The following LRBA variants were observed in gnomAD, a reference collection of about 807,000 sequenced individuals.
The protein encoded by LRBA is LPS responsive beige-like anchor protein, also known as lipopolysaccharide-responsive and beige-like anchor protein.
A neutral mutation model predicts 330.0 loss-of-function variants in LRBA; 176 were observed. The observed-to-expected ratio is 0.53, with a 90% CI of 0.47 to 0.60. The LOEUF (loss-of-function observed/expected upper bound fraction) is 0.60. LRBA is among the 20% of genes least tolerant of loss of function. The pLI is 0.00. For synonymous variants in LRBA, 1,230 were observed against 1,193.0 expected, an observed-to-expected ratio of 1.03 and a Z score of -0.64; for missense variants, 3,259 against 3,444.8, an observed-to-expected ratio of 0.95 and a Z score of 1.35.
chr4:150,731,295 A>G (rs1306308203), intron 36 of LRBA, among the ~76,000 whole-genome samples: 2 of 152,198 alleles, frequency 1.3e-5, no homozygotes, highest in Non-Finnish European at 2.9e-5. Context: ...CTAGGTATAT[A>G]TCCAAAAGAA....
At chr4:150,832,022 C>A in intron 28 of LRBA, 46 bp from the exon 29 acceptor site, 1 of 1,197,970 alleles carries the variant, frequency 8.3e-7, no homozygotes, top group Admixed American at 2.7e-5. Context: ...CATAAAATAA[C>A]ATCATTATAT....
intron 36 of LRBA, among the ~76,000 whole-genome samples, chr4:150,694,114 T>C (rs1223620336): frequency 6.6e-6 from 1 of 152,116 alleles, no homozygotes; most frequent in Non-Finnish European, 1.5e-5. Context: ...CCTCCCTGTT[T>C]GGTCAGCTGC....
At chr4:150,284,537 G>C (rs1747916840) in intron 54 of LRBA, among the ~76,000 whole-genome samples, 1 of 151,886 alleles carries the variant, frequency 6.6e-6, no homozygotes, top group African/African-American at 2.4e-5. Context: ...TTAATGTTTT[G>C]ACAAAATTAT....
intron 37 of LRBA, among the ~76,000 whole-genome samples, chr4:150,639,765 A>ATGTGTG (rs1393495014): frequency 1.9e-4 from 1 of 5,364 alleles, no homozygotes; most frequent in Non-Finnish European, 5.8e-4. Context: ...ATATATATAT[A>ATGTGTG]TATATATATA....
intron 2 of LRBA, among the ~76,000 whole-genome samples, chr4:150,981,751 G>C (rs1740863292): frequency 6.6e-6 from 1 of 152,052 alleles, no homozygotes; most frequent in African/African-American, 2.4e-5. Flanking sequence ...ACGAGGTCAG[G>C]AGATCAAGAC....
intron 42 of LRBA, among the ~76,000 whole-genome samples, chr4:150,474,935 T>A (rs557873850): frequency 6.6e-6 from 1 of 152,190 alleles, no homozygotes; most frequent in South Asian, 2.1e-4. Context: ...TTTTGGTAGA[T>A]GATTTTTGTC....
intron 37 of LRBA, among the ~76,000 whole-genome samples, chr4:150,657,340 T>A (rs1466213043): frequency 6.6e-6 from 1 of 152,102 alleles, no homozygotes; most frequent in African/African-American, 2.4e-5. Flanking sequence ...ACAAAAGATG[T>A]TTTTAGTAAT....
chr4:150,391,988 A>G (rs1036814939), intron 47 of LRBA, among the ~76,000 whole-genome samples: 1 of 151,716 alleles, frequency 6.6e-6, no homozygotes, highest in Non-Finnish European at 1.5e-5. Flanking sequence ...AAAAAAAAAA[A>G]AAAAAAAAAA....
At chr4:151,008,969 CAAAAAAA>C (rs1216990774) in intron 2 of LRBA, among the ~76,000 whole-genome samples, 1 of 1,884 alleles carries the variant, frequency 5.3e-4, no homozygotes, top group African/African-American at 6.8e-4. Context: ...GACTCCATCT[CAAAAAAA>C]AAAAAAAAAA....
At chr4:150,924,248 A>C (rs1733630216) in intron 4 of LRBA, among the ~76,000 whole-genome samples, 1 of 152,194 alleles carries the variant, frequency 6.6e-6, no homozygotes, top group Non-Finnish European at 1.5e-5. Context: ...ACAGTGGTTC[A>C]CATCTGTAAT....
intron 40 of LRBA, among the ~76,000 whole-genome samples, chr4:150,545,061 T>C (rs951186667): frequency 6.6e-6 from 1 of 152,124 alleles, no homozygotes; most frequent in Non-Finnish European, 1.5e-5. Flanking sequence ...AAATAGAAAA[T>C]ATTAATGCTT....
At chr4:150,876,915 C>A (rs193167793) in intron 17 of LRBA, among the ~76,000 whole-genome samples, 1 of 152,140 alleles carries the variant, frequency 6.6e-6, no homozygotes, top group Non-Finnish European at 1.5e-5. Flanking sequence ...CACAGAATGG[C>A]ATATTGGATA....
chr4:150,811,656 C>A (rs190107355), intron 31 of LRBA, among the ~76,000 whole-genome samples: 1 of 152,174 alleles, frequency 6.6e-6, no homozygotes, highest in Admixed American at 6.5e-5. Flanking sequence ...GCATGTACCA[C>A]CACGTTCAGC....
intron 14 of LRBA, among the ~76,000 whole-genome samples, chr4:150,898,581 CTT>C (rs1210807882): frequency 3.3e-5 from 5 of 151,924 alleles, no homozygotes; most frequent in African/African-American, 4.8e-5. Context: ...ACCACCATGA[CTT>C]TGAACAGATC....
chr4:150,516,460 G>A (rs1368087126), intron 40 of LRBA, among the ~76,000 whole-genome samples: 1 of 151,500 alleles, frequency 6.6e-6, no homozygotes, highest in Non-Finnish European at 1.5e-5. Flanking sequence ...CTATAACTTT[G>A]TAAAATTGTA....
At chr4:150,859,925 A>C (rs1157337691) in intron 22 of LRBA, among the ~76,000 whole-genome samples, 1 of 152,210 alleles carries the variant, frequency 6.6e-6, no homozygotes, top group Non-Finnish European at 1.5e-5. Context: ...TTCAGAACTT[A>C]TATTTTTAGA....
intron 17 of LRBA, among the ~76,000 whole-genome samples, chr4:150,877,559 T>TAA (rs749014673): frequency 6.6e-6 from 1 of 152,320 alleles, no homozygotes; most frequent in Admixed American, 6.5e-5. Flanking sequence ...GGAACAGACT[T>TAA]AGACAGTCAC....
intron 11 of LRBA, among the ~76,000 whole-genome samples, chr4:150,906,902 G>C (rs573350019): frequency 1.4e-4 from 21 of 152,122 alleles, no homozygotes; most frequent in African/African-American, 4.6e-4. Flanking sequence ...GGCACATGAA[G>C]AGAAAGATGA....
chr4:150,749,233 C>T (rs939475862), intron 35 of LRBA, among the ~76,000 whole-genome samples: 6 of 151,628 alleles, frequency 4.0e-5, no homozygotes, highest in East Asian at 1.9e-4. Context: ...ATACCAAAAG[C>T]GCAGGCAATA....
Sources: allele counts gnomAD v4.1 joint callset (sites outside exome capture counted in the v4.1 genomes callset), GRCh38; gene constraint gnomAD v4.1.1; transcripts MANE v1.5; gene names NCBI Gene and HGNC (gene_info 2026-07-23, HGNC 2026-07-21).